Variants in COL25A1 observed in about 807,000 individuals in gnomAD.
COL25A1 encodes collagen alpha-1(XXV) chain.
In COL25A1, 103 loss-of-function variants were observed where a neutral mutation model predicts 128.4. The observed-to-expected ratio is 0.80, with a 90% CI of 0.68 to 0.94. The LOEUF (loss-of-function observed/expected upper bound fraction) is 0.94. COL25A1 is among the 40% of genes least tolerant of loss of function. The probability of loss-of-function intolerance (pLI) is 0.00; values close to 1 mark genes in which losing one functional copy is unlikely to be tolerated. For synonymous variants in COL25A1, 279 were observed against 277.2 expected, an observed-to-expected ratio of 1.01 and a Z score of -0.06; for missense variants, 745 against 840.0, an observed-to-expected ratio of 0.89 and a Z score of 1.40.
chr4:108,911,846 T>A (rs1356973588), intron 13 of COL25A1, among the ~76,000 whole-genome samples: 1 of 149,822 alleles, frequency 6.7e-6, no homozygotes, highest in Non-Finnish European at 1.5e-5. Context: ...GAGCTTTACT[T>A]CCTCAGCTAC....
chr4:109,015,153 C>T (rs1560542486), intron 5 of COL25A1, among the ~76,000 whole-genome samples: 1 of 152,158 alleles, frequency 6.6e-6, no homozygotes, highest in Non-Finnish European at 1.5e-5. Flanking sequence ...AGACTGAGAG[C>T]GTGTGGTGAT....
At chr4:109,089,250 CA>C (rs1764695436) in intron 3 of COL25A1, among the ~76,000 whole-genome samples, 1 of 152,200 alleles carries the variant, frequency 6.6e-6, no homozygotes, top group Non-Finnish European at 1.5e-5. Flanking sequence ...ATCATCCTGG[CA>C]AAATGATCAG....
chr4:109,109,207 T>G (rs3108934), intron 3 of COL25A1, among the ~76,000 whole-genome samples: 32,206 of 151,934 alleles, frequency 0.21, 4,067 homozygotes, highest in East Asian at 0.39. Flanking sequence ...CAGTGCCTCA[T>G]CTTTCCAAAT....
chr4:108,846,195 T>G lies in COL25A1; in HGVS notation c.1459A>C (p.Met487Leu). ...EQGLKGSKGD[M>L]GDPGMTGEKG... The stretch of plus-strand genomic sequence containing the variant: ...TCACCTGTCATACCTGGGTCCCCCA[T>G]GTCTCCCTTTGAGCCTTTGAGTCCC... Residue 487 changes from methionine to leucine, a missense_variant, in exon 28 of 38, where the codon ATG (methionine) becomes CTG (leucine). Physicochemically the swap from Met to Leu is conservative, Grantham distance 15. Coordinates refer to ENST00000399132, the MANE Select transcript of COL25A1 (RefSeq NM_198721.4). The G allele has an allele frequency of 6.2e-7, 1 of 1,612,786 alleles. No homozygotes were observed. The highest frequency in any genetic ancestry group is 8.5e-7 in the Non-Finnish European group (1 of 1,178,794).
At chr4:108,927,175 AC>A (rs1462608860) in intron 11 of COL25A1, among the ~76,000 whole-genome samples, 39 of 152,170 alleles carry the variant, frequency 2.6e-4, no homozygotes, top group Non-Finnish European at 4.4e-5. Context: ...AGTGGTCATA[AC>A]TCACTTCCTT....
intron 5 of COL25A1, among the ~76,000 whole-genome samples, chr4:109,045,838 A>G (rs1760377524): frequency 6.6e-6 from 1 of 152,178 alleles, no homozygotes; most frequent in Non-Finnish European, 1.5e-5. Flanking sequence ...TTTGCCAAAC[A>G]TATTATAACT....
At chr4:108,993,841 T>G (rs1754465677) in intron 6 of COL25A1, among the ~76,000 whole-genome samples, 1 of 134,424 alleles carries the variant, frequency 7.4e-6, no homozygotes, top group Non-Finnish European at 1.5e-5. Flanking sequence ...GCCTGGGCAG[T>G]AAGAGTGAAA....
At chr4:108,835,389 T>C (rs1578489651) in intron 31 of COL25A1, among the ~76,000 whole-genome samples, 1 of 152,088 alleles carries the variant, frequency 6.6e-6, no homozygotes, top group East Asian at 1.9e-4. Flanking sequence ...TATTTCCCAA[T>C]TTTATGCTTC....
Position 108,899,016 on chromosome 4 carries a change from T to C in COL25A1, c.861+138A>G. 2 of 651,922 alleles carry C rather than the reference T, an allele frequency of 3.1e-6. 1 individual carries two copies. Among genetic ancestry groups the C allele is most frequent in the Non-Finnish European group, 5.4e-6 (2 of 373,126 alleles). 40.4% of individuals were successfully genotyped at this position (651,922 alleles called of 1,614,324 possible). The stretch of plus-strand genomic sequence containing the variant: ...CTATATATCTATATATCTATATACC[T>C]ACCTACCTACCTATTAATCTACCCA... On this transcript the variant is annotated intron_variant, in intron 15 of 37. Transcript: ENST00000399132.
chr4:109,145,768 G>A (rs888325648), intron 3 of COL25A1, among the ~76,000 whole-genome samples: 1 of 152,144 alleles, frequency 6.6e-6, no homozygotes, highest in African/African-American at 2.4e-5. Flanking sequence ...TTGAACCCGG[G>A]AGATGGAGGT....
intron 3 of COL25A1, among the ~76,000 whole-genome samples, chr4:109,218,357 G>GTTTTTTTTTTTTTTGTTTTTT (rs1560887047): frequency 3.5e-4 from 26 of 73,550 alleles, no homozygotes; most frequent in South Asian, 2.1e-3. Context: ...GTTTTTTGGG[G>GTTTTTTTTTTTTTTGTTTTTT]TTTTTTTTTT....
chr4:108,903,751 C>T (rs1743133888), intron 13 of COL25A1, among the ~76,000 whole-genome samples: 1 of 151,984 alleles, frequency 6.6e-6, no homozygotes, highest in Non-Finnish European at 1.5e-5. Context: ...TATAGGCATC[C>T]ACTCTGTGTT....
chr4:109,128,892 T>C (rs1768892210), intron 3 of COL25A1, among the ~76,000 whole-genome samples: 1 of 152,214 alleles, frequency 6.6e-6, no homozygotes, highest in Non-Finnish European at 1.5e-5. Context: ...AGCTATGGTA[T>C]GAAGCACGTT....
intron 3 of COL25A1, among the ~76,000 whole-genome samples, chr4:109,098,282 G>T (rs77771943): frequency 0.11 from 16,353 of 152,144 alleles, 1,094 homozygotes; most frequent in African/African-American, 0.18. Flanking sequence ...TGGGCCAAGG[G>T]AAGGCCCTGG....
At chr4:109,250,369 T>TACACACAC (rs61574026) in intron 3 of COL25A1, among the ~76,000 whole-genome samples, 202 of 134,956 alleles carry the variant, frequency 1.5e-3, no homozygotes, top group African/African-American at 5.1e-3. Context: ...AAGTAGGAGA[T>TACACACAC]ACACACACAC....
At chr4:108,953,950 A>T (rs550810492) in intron 8 of COL25A1, among the ~76,000 whole-genome samples, 26 of 152,274 alleles carry the variant, frequency 1.7e-4, no homozygotes, top group African/African-American at 6.0e-4. Context: ...ATTTGAGGAA[A>T]GGGTTACTGG....
At chr4:109,112,510 AAACAGT>A (rs58983133) in intron 3 of COL25A1, among the ~76,000 whole-genome samples, 6,425 of 108,258 alleles carry the variant, frequency 0.059, 277 homozygotes, top group African/African-American at 0.1. Flanking sequence ...TAGAAAAAAA[AAACAGT>A]GTTTCTATTC....
intron 3 of COL25A1, among the ~76,000 whole-genome samples, chr4:109,145,513 G>A (rs1329929532): frequency 6.6e-6 from 1 of 152,058 alleles, no homozygotes; most frequent in African/African-American, 2.4e-5. Context: ...TTTTGACAAG[G>A]TCAAATACTA....
chr4:108,911,802 G>GT (rs61235488), intron 13 of COL25A1, among the ~76,000 whole-genome samples: 8,170 of 124,270 alleles, frequency 0.066, 393 homozygotes, highest in African/African-American at 0.1. Flanking sequence ...TTGCTTCGCT[G>GT]TTTTTTTTTT....
Sources: gnomAD v4.1 joint callset for allele counts (sites outside exome capture counted in the v4.1 genomes callset) on GRCh38, gnomAD v4.1.1 for gene constraint, MANE v1.5 for transcripts, NCBI Gene and HGNC (gene_info 2026-07-23, HGNC 2026-07-21) for gene names.